F2RL1: variants seen among roughly 807,000 people sequenced by gnomAD.
F2RL1 encodes F2R like trypsin receptor 1.
A neutral mutation model predicts 21.7 loss-of-function variants in F2RL1; 16 were observed. The observed-to-expected ratio is 0.74, with a 90% CI of 0.50 to 1.12. F2RL1 has a LOEUF of 1.12. F2RL1 is among the 50% of genes most tolerant of loss of function. The pLI is 0.00. For missense variants in F2RL1, 432 were observed against 477.8 expected (o/e 0.90, Z 0.89); for synonymous variants, 181 against 186.7 (o/e 0.97, Z 0.25).
At chr5:76,829,775 T>C (rs991486637) in intron 1 of F2RL1, among the ~76,000 whole-genome samples, 1 of 152,222 alleles carries the variant, frequency 6.6e-6, no homozygotes, top group African/African-American at 2.4e-5. Flanking sequence ...AGAATAATTA[T>C]TATTTTGTGA....
chr5:76,831,151 G>C (rs927807565), intron 1 of F2RL1, among the ~76,000 whole-genome samples: 2 of 152,104 alleles, frequency 1.3e-5, no homozygotes, highest in East Asian at 3.9e-4. Context: ...ATAAGAGAGG[G>C]ATAATAAGTT....
chr5:76,826,694 C>G (rs2243075), intron 1 of F2RL1, among the ~76,000 whole-genome samples: 224 of 152,022 alleles, frequency 1.5e-3, no homozygotes, highest in Non-Finnish European at 2.8e-3. Context: ...TTAGTAGAGA[C>G]TGGGTTTCAC....
At position 76,823,154 on chromosome 5, in the gene F2RL1, C is replaced by T. The variant is rs371886737; in HGVS notation, c.82+3890C>T. Among the ~76,000 whole-genome samples the T allele has an allele frequency of 9.4e-4, 141 of 150,520 alleles. 2 individuals carry two copies. The South Asian group carries it at 0.027, about 29-fold the overall frequency. On this transcript the variant is annotated intron_variant, in intron 1 of 1. Coordinates refer to ENST00000296677, the MANE Select transcript of F2RL1 (RefSeq NM_005242.6). ...CTGAGGCAGGAGAATGGCGTGAACCCGGGAGGTCGAGCTTGCAGTGAGCCG... is the reference window on the plus strand; with the variant it reads ...CTGAGGCAGGAGAATGGCGTGAACCTGGGAGGTCGAGCTTGCAGTGAGCCG...
At chr5:76,820,256 G>A (rs1389398616) in intron 1 of F2RL1, among the ~76,000 whole-genome samples, 1 of 152,200 alleles carries the variant, frequency 6.6e-6, no homozygotes, top group Non-Finnish European at 1.5e-5. Context: ...TGTTTGACCT[G>A]CGATCGCGCC....
At chr5:76,825,186 T>C (rs1227488075) in intron 1 of F2RL1, among the ~76,000 whole-genome samples, 2 of 151,932 alleles carry the variant, frequency 1.3e-5, no homozygotes, top group Non-Finnish European at 2.9e-5. Context: ...TTGTATTTTT[T>C]AGTAGAGATT....
In F2RL1 at chr5:76,833,330, T is replaced by C. The variant is rs1223538724; in HGVS notation, c.723T>C (p.Asn241=). ...PEQLLVGDMF[N]YFLSLAIGVF... ...AGCTCTTGGTGGGAGACATGTTCAATTACTTCCTCTCTCTGGCCATTGGGG... is the reference window on the plus strand; with the variant it reads ...AGCTCTTGGTGGGAGACATGTTCAACTACTTCCTCTCTCTGGCCATTGGGG... Residue 241 remains asparagine, a synonymous_variant, in exon 2 of 2, where the codon AAT becomes AAC. Coordinates refer to ENST00000296677, the MANE Select transcript of F2RL1 (RefSeq NM_005242.6). 3 of 1,613,804 alleles carry C rather than the reference T, an allele frequency of 1.9e-6. No individual in the cohort carries two copies. Among genetic ancestry groups the C allele is most frequent in the African/African-American group, 2.7e-5 (2 of 74,840 alleles).
intron 1 of F2RL1, among the ~76,000 whole-genome samples, chr5:76,829,261 TTC>T (rs1446629448): frequency 3.0e-4 from 10 of 33,766 alleles, no homozygotes; most frequent in East Asian, 6.5e-4. Flanking sequence ...CTTCTTCTTC[TTC>T]TTTTTTTTTT....
rs1426568924 is a variant in F2RL1 at position 76,833,794 on chromosome 5, C to T, written c.1187C>T (p.Ser396Phe). ...TCAAGTTCAACCACTGTTAAGACCT[C>T]CTATTGAGTTTTCCAGGTCCTCAGA... ...YSSSSTTVKT[S>F]Y is the part of the protein sequence containing the mutation. Residue 396 changes from serine to phenylalanine, a missense_variant, in exon 2 of 2, where the codon TCC (serine) becomes TTC (phenylalanine). Transcript: ENST00000296677. 1.2e-6 allele frequency: 2 copies of T among 1,611,712 alleles called. No individual in the cohort carries two copies. Among genetic ancestry groups the T allele is most frequent in the Non-Finnish European group, 1.7e-6 (2 of 1,178,474 alleles).
intron 1 of F2RL1, among the ~76,000 whole-genome samples, chr5:76,828,634 C>T (rs982646183): frequency 2.0e-5 from 3 of 149,218 alleles, no homozygotes. Flanking sequence ...TACAGGTGTG[C>T]GCCACCATGC....
intron 1 of F2RL1, among the ~76,000 whole-genome samples, 161 bp from the exon 2 acceptor site, chr5:76,832,529 G>C (rs1040490166): frequency 6.6e-6 from 1 of 152,188 alleles, no homozygotes; most frequent in Non-Finnish European, 1.5e-5. Context: ...TGAGGCTGCG[G>C]TGCATTATGA....
Position 76,823,226 on chromosome 5 carries a change from T to C in F2RL1, c.82+3962T>C, listed in dbSNP as rs1414599022. On this transcript the variant is annotated intron_variant, in intron 1 of 1. Coordinates refer to ENST00000296677, the MANE Select transcript of F2RL1 (RefSeq NM_005242.6). ...GCCGGGGCAACAGAGTGAGACTCAG[T>C]CTCAAAAAAAAAAAAAAGTTTTACA... 3.8e-5 allele frequency among the ~76,000 whole-genome samples: 4 copies of C among 104,746 alleles called. No individual in the cohort carries two copies. In the South Asian group the frequency reaches 1.3e-3, roughly 34 times the overall value. The allele number at this position is 104,746 out of a possible 152,430, so 68.7% of individuals were successfully genotyped here. A position where few individuals can be genotyped will look rare whatever the true frequency, so the allele number is the denominator to read the frequency against.
chr5:76,832,706 T>C lies in F2RL1; in HGVS notation c.99T>C (p.Ser33=). 6.2e-7 allele frequency: 1 copy of C among 1,608,718 alleles called. No individual in the cohort carries two copies. Among genetic ancestry groups the C allele is most frequent in the East Asian group, 2.2e-5 (1 of 44,770 alleles). The change falls in exon 2 of 2, where the codon TCT becomes TCC. Residue 33 remains serine (S), a synonymous_variant. Transcript: ENST00000296677. ...CTTGTACAGGAACCAGTAGATCCTC[T>C]AAAGGAAGAAGCCTTATTGGTAAGG... ...SGTIQGTSRS[S]KGRSLIGKVD... is the part of the protein sequence containing the mutation.
intron 1 of F2RL1, among the ~76,000 whole-genome samples, chr5:76,830,328 A>G (rs978451916): frequency 1.3e-5 from 2 of 152,292 alleles, no homozygotes; most frequent in African/African-American, 4.8e-5. Context: ...CCCAGGCTGG[A>G]GTGCAGTGGC....
rs751355766 is a variant in F2RL1, at chr5:76,833,773, G to C, written c.1166G>C (p.Ser389Thr). Residue 389 changes from serine (S) to threonine (T), a missense_variant, in exon 2 of 2, where the codon AGT (serine) becomes ACT (threonine). Ser to Thr is a moderately conservative substitution (Grantham distance 58). Transcript: ENST00000296677. ...AGGAAATCCAGCTCTTACTCTTCAA[G>C]TTCAACCACTGTTAAGACCTCCTAT... is the stretch of plus-strand genomic sequence containing the variant. ...HSRKSSSYSS[S>T]STTVKTSY 1.2e-6 allele frequency: 2 copies of C among 1,613,980 alleles called. No homozygotes were observed. The highest frequency in any genetic ancestry group is 1.7e-6 in the Non-Finnish European group (2 of 1,180,012).
In F2RL1 at chr5:76,833,399, G is replaced by A; in HGVS notation, c.792G>A (p.Leu264=). The change falls in exon 2 of 2, where the codon CTG becomes CTA. Residue 264 remains leucine, a synonymous_variant. Transcript: ENST00000296677. Reference sequence around the variant, plus strand: ...TCCTCACAGCCTCTGCCTATGTGCTGATGATCAGAATGCTGCGATCTTCTG... The same window carrying A: ...TCCTCACAGCCTCTGCCTATGTGCTAATGATCAGAATGCTGCGATCTTCTG... ...PAFLTASAYV[L]MIRMLRSSAM... 2 of 1,613,978 alleles carry A rather than the reference G, an allele frequency of 1.2e-6. No individual in the cohort carries two copies. Among genetic ancestry groups the A allele is most frequent in the Non-Finnish European group, 8.5e-7 (1 of 1,180,022 alleles).
intron 1 of F2RL1, among the ~76,000 whole-genome samples, chr5:76,830,478 A>G (rs539536048): frequency 3.9e-5 from 6 of 151,986 alleles, no homozygotes; most frequent in Non-Finnish European, 7.4e-5. Flanking sequence ...GGGTTTCACT[A>G]TGTTGGCCAG....
chr5:76,826,129 TTTC>T (rs1314975998), intron 1 of F2RL1, among the ~76,000 whole-genome samples: 1 of 152,158 alleles, frequency 6.6e-6, no homozygotes, highest in Non-Finnish European at 1.5e-5. Context: ...TTCCCTGTTA[TTTC>T]TTTTCTGTTT....
chr5:76,821,705 G>A (rs1056438934), intron 1 of F2RL1, among the ~76,000 whole-genome samples: 3 of 150,248 alleles, frequency 2.0e-5, no homozygotes, highest in Non-Finnish European at 3.0e-5. Flanking sequence ...GCAGCCTCCC[G>A]AGTAGCTGGG....
chr5:76,827,053 G>T (rs574246058), intron 1 of F2RL1, among the ~76,000 whole-genome samples: 4 of 151,798 alleles, frequency 2.6e-5, no homozygotes, highest in African/African-American at 7.3e-5. Flanking sequence ...GTTCTGCTCT[G>T]TTGCCCAGGC....
Sources: allele counts gnomAD v4.1 joint callset (sites outside exome capture counted in the v4.1 genomes callset), GRCh38; gene constraint gnomAD v4.1.1; transcripts MANE v1.5; gene names NCBI Gene and HGNC (gene_info 2026-07-23, HGNC 2026-07-21).